Variants in PTPRN2 observed in about 807,000 individuals in gnomAD.
PTPRN2 encodes the protein protein tyrosine phosphatase receptor type N2.
A neutral mutation model predicts 118.8 loss-of-function variants in PTPRN2; 74 were observed. The observed-to-expected ratio is 0.62, with a 90% CI of 0.52 to 0.76. The LOEUF (loss-of-function observed/expected upper bound fraction) is 0.76, where lower values mean the gene tolerates loss of function less well. Ranked by LOEUF, PTPRN2 falls within the 30% of genes least tolerant of loss-of-function variation. The pLI is 0.00. For missense variants in PTPRN2, 1,481 were observed against 1,394.4 expected (o/e 1.06, Z -0.99); for synonymous variants, 641 against 608.0 (o/e 1.05, Z -0.80).
At chr7:158,328,024 A>C (rs746057981) in intron 2 of PTPRN2, among the ~76,000 whole-genome samples, 86 of 152,348 alleles carry the variant, frequency 5.6e-4, no homozygotes, top group Non-Finnish European at 9.6e-4. Flanking sequence ...TGTTGAAAGG[A>C]ATTCTCCAGA....
At position 158,576,780 on chromosome 7, in the gene PTPRN2, A is replaced by G. The variant is rs186230219; in HGVS notation, c.112+10778T>C. Among the ~76,000 whole-genome samples, 954 of 148,482 alleles carry G rather than the reference A, an allele frequency of 6.4e-3. 8 individuals are homozygous for G. The highest frequency in any genetic ancestry group is 0.023 in the African/African-American group (907 of 40,074). On this transcript the variant is annotated intron_variant, in intron 1 of 22. Transcript: ENST00000389418. Reference sequence around the variant, plus strand: ...AAACACCACAAACAGCATGGGGCCTACACAACACTGAGGGCTCCCCACCCT... The same window carrying G: ...AAACACCACAAACAGCATGGGGCCTGCACAACACTGAGGGCTCCCCACCCT...
chr7:157,851,135 T>C (rs1012078363), intron 12 of PTPRN2, among the ~76,000 whole-genome samples: 1 of 152,218 alleles, frequency 6.6e-6, no homozygotes, highest in Non-Finnish European at 1.5e-5. Flanking sequence ...CTAATAAATA[T>C]CTGTGATAAT....
chr7:157,976,177 T>C (rs1279203417), intron 11 of PTPRN2, among the ~76,000 whole-genome samples: 1 of 152,216 alleles, frequency 6.6e-6, no homozygotes, highest in Non-Finnish European at 1.5e-5. Context: ...TTAGGGCTGG[T>C]TCCCATCGCG....
In PTPRN2 at chr7:157,998,965, G is replaced by C. The variant is rs1053895265; in HGVS notation, c.1723+82333C>G. ...TTTGTGCGGGGTGCGAGGCATCCGG[G>C]GGCCAGGGGACTGTGAGCTGCAGCA... is the stretch of plus-strand genomic sequence containing the variant. On this transcript the variant is annotated intron_variant, in intron 11 of 22. Transcript: ENST00000389418. 2.6e-5 allele frequency among the ~76,000 whole-genome samples: 4 copies of C among 152,032 alleles called. No homozygotes were observed. The East Asian group carries it at 7.7e-4, about 29-fold the overall frequency.
rs564734493 is a variant in PTPRN2 at position 157,672,082 on chromosome 7, C to T, written c.2001+10643G>A. Among the ~76,000 whole-genome samples the T allele has an allele frequency of 3.3e-5, 5 of 152,134 alleles. No homozygotes were observed. In the East Asian group the frequency reaches 9.7e-4, roughly 29 times the overall value. ...CCCGAGGACACCGCTGACTGGGGTA[C>T]AGGGGCCACGGGTCGCACGTGGGGT... On this transcript the variant is annotated intron_variant, in intron 13 of 22. Coordinates refer to ENST00000389418, the MANE Select transcript of PTPRN2 (RefSeq NM_002847.5).
intron 2 of PTPRN2, among the ~76,000 whole-genome samples, chr7:158,380,147 C>T (rs1810857852): frequency 6.6e-6 from 1 of 152,168 alleles, no homozygotes. Context: ...CCTGGCCTCT[C>T]CCAAATCTCA....
intron 2 of PTPRN2, among the ~76,000 whole-genome samples, chr7:158,323,535 A>G (rs1196777454): frequency 6.6e-6 from 1 of 152,202 alleles, no homozygotes; most frequent in East Asian, 1.9e-4. Context: ...GCTTAGAGAC[A>G]CTTTTATTAA....
At chr7:158,075,534 T>C (rs1224254397) in intron 11 of PTPRN2, among the ~76,000 whole-genome samples, 1 of 152,168 alleles carries the variant, frequency 6.6e-6, no homozygotes, top group Admixed American at 6.5e-5. Flanking sequence ...AGACGGGCAC[T>C]GAGCCTGCGG....
At chr7:157,866,447 C>T (rs928029096) in intron 12 of PTPRN2, among the ~76,000 whole-genome samples, 2 of 152,190 alleles carry the variant, frequency 1.3e-5, no homozygotes, top group East Asian at 1.9e-4. Context: ...TATGTACACA[C>T]ACGAACATGC....
rs141652085 is a variant in PTPRN2 at position 158,366,862 on chromosome 7, C to A, written c.164-49930G>T. Among the ~76,000 whole-genome samples, 1,275 of 152,264 alleles carry A rather than the reference C, an allele frequency of 8.4e-3. 6 individuals carry two copies. The highest frequency in any genetic ancestry group is 0.011 in the Non-Finnish European group (771 of 68,018). On this transcript the variant is annotated intron_variant, in intron 2 of 22. Coordinates refer to ENST00000389418, the MANE Select transcript of PTPRN2 (RefSeq NM_002847.5). ...GAATGGAAATAAACCATGAAAATGA[C>A]CGAAGACGTCACAAGGAAAGCAAAT...
chr7:158,422,375 C>A (rs1028301344), intron 2 of PTPRN2, among the ~76,000 whole-genome samples: 4 of 152,218 alleles, frequency 2.6e-5, no homozygotes, highest in African/African-American at 9.7e-5. Context: ...CCATCAATGG[C>A]AGCTTCCAAC....
intron 15 of PTPRN2, among the ~76,000 whole-genome samples, 167 bp from the exon 16 acceptor site, chr7:157,604,242 G>A (rs1270651690): frequency 1.3e-5 from 2 of 151,926 alleles, no homozygotes; most frequent in African/African-American, 4.8e-5. Flanking sequence ...AGGGCCTATA[G>A]CCCAGCAGTG....
chr7:158,104,856 T>C (rs1815541337), intron 10 of PTPRN2, among the ~76,000 whole-genome samples: 1 of 138,506 alleles, frequency 7.2e-6, no homozygotes, highest in Admixed American at 7.2e-5. Context: ...CTCAGCTCCT[T>C]CCCAACTCTA....
At position 158,387,822 on chromosome 7, in the gene PTPRN2, G is replaced by A. The variant is rs572417089; in HGVS notation, c.164-70890C>T. ...TCCAAGCCGCTGCCCTGTGGGATTC[G>A]GACAAGAGGCTGCAGCAGGAACCCG... On this transcript the variant is annotated intron_variant, in intron 2 of 22. Coordinates refer to ENST00000389418, the MANE Select transcript of PTPRN2 (RefSeq NM_002847.5). Among the ~76,000 whole-genome samples, 40 of 152,208 alleles carry A rather than the reference G, an allele frequency of 2.6e-4. No individual in the cohort carries two copies. The East Asian group carries it at 3.7e-3, about 14-fold the overall frequency.
intron 14 of PTPRN2, among the ~76,000 whole-genome samples, chr7:157,652,431 G>A (rs1805723073): frequency 6.6e-6 from 1 of 152,246 alleles, no homozygotes; most frequent in Non-Finnish European, 1.5e-5. Context: ...CACAGCACCT[G>A]CAACAGCAAA....
rs1809120022 is a variant in PTPRN2, at chr7:158,362,987, G to A, written c.164-46055C>T. ...CAATCGCAATTCAGGCCACCATGTT[G>A]TAGGTGGCCCTGGTCCCCATGATCC... On this transcript the variant is annotated intron_variant, in intron 2 of 22. Coordinates refer to ENST00000389418, the MANE Select transcript of PTPRN2 (RefSeq NM_002847.5). Among the ~76,000 whole-genome samples the A allele has an allele frequency of 2.6e-5, 4 of 152,310 alleles. No homozygotes were observed. In the South Asian group the frequency reaches 8.3e-4, roughly 32 times the overall value.
chr7:158,547,126 G>A (rs927319754), intron 1 of PTPRN2, among the ~76,000 whole-genome samples: 2 of 152,162 alleles, frequency 1.3e-5, no homozygotes, highest in Non-Finnish European at 2.9e-5. Flanking sequence ...GATTTTGGGG[G>A]CTTTGTTTTT....
intron 9 of PTPRN2, among the ~76,000 whole-genome samples, chr7:158,120,644 C>G (rs1817086196): frequency 6.6e-6 from 1 of 152,174 alleles, no homozygotes; most frequent in Non-Finnish European, 1.5e-5. Context: ...AAGCCATTTT[C>G]CTTTAAAGAG....
intron 1 of PTPRN2, among the ~76,000 whole-genome samples, chr7:158,582,861 A>G (rs1245661463): frequency 6.6e-6 from 1 of 151,616 alleles, no homozygotes; most frequent in East Asian, 1.9e-4. Flanking sequence ...ATCCAGGCAT[A>G]TCTTAGATAT....
Sources: allele counts gnomAD v4.1 joint callset (sites outside exome capture counted in the v4.1 genomes callset), GRCh38; gene constraint gnomAD v4.1.1; transcripts MANE v1.5; gene names NCBI Gene and HGNC (gene_info 2026-07-23, HGNC 2026-07-21).